Variants in CCSER1 observed in about 807,000 individuals in gnomAD.
CCSER1 encodes coiled-coil serine rich protein 1.
CCSER1 carries 41 observed loss-of-function variants against 82.0 expected under a neutral mutation model. The ratio of observed to expected loss-of-function variants is 0.50; its 90% CI spans 0.39 to 0.65. The LOEUF is 0.65. Ranked by LOEUF, CCSER1 falls within the 30% of genes least tolerant of loss-of-function variation. The pLI is 0.00. For missense variants in CCSER1, 1,119 were observed against 1,064.2 expected (o/e 1.05, Z -0.72); for synonymous variants, 414 against 383.9 (o/e 1.08, Z -0.92).
In CCSER1 at chr4:90,986,341, C is replaced by T. The variant is rs547375779; in HGVS notation, c.2172+62894C>T. ...GATGTTTTTAATACACACTAATATT[C>T]GTGAATATTTCTATTTGAGTAGAAG... On this transcript the variant is annotated intron_variant, in intron 9 of 10. Transcript: ENST00000509176. Among the ~76,000 whole-genome samples the T allele has an allele frequency of 2.3e-4, 35 of 151,736 alleles. No homozygotes were observed. In the East Asian group the frequency reaches 6.8e-3, roughly 30 times the overall value.
At chr4:91,219,052 T>C (rs1737522600) in intron 10 of CCSER1, among the ~76,000 whole-genome samples, 1 of 152,186 alleles carries the variant, frequency 6.6e-6, no homozygotes, top group Non-Finnish European at 1.5e-5. Flanking sequence ...TCCCCACACA[T>C]AGATTCAGGC....
intron 10 of CCSER1, among the ~76,000 whole-genome samples, chr4:91,231,820 A>T (rs1190593017): frequency 6.6e-6 from 1 of 151,812 alleles, no homozygotes; most frequent in Non-Finnish European, 1.5e-5. Flanking sequence ...AGAAGGCAGG[A>T]CTTCTAGTTC....
At chr4:90,312,538 C>T (rs746194041) in intron 2 of CCSER1, among the ~76,000 whole-genome samples, 1 of 151,932 alleles carries the variant, frequency 6.6e-6, no homozygotes, top group Non-Finnish European at 1.5e-5. Context: ...ATTGCAGTAA[C>T]CAAGCCAGCA....
intron 5 of CCSER1, among the ~76,000 whole-genome samples, chr4:90,472,837 G>A (rs1313800735): frequency 1.3e-5 from 2 of 152,070 alleles, no homozygotes; most frequent in Admixed American, 6.6e-5. Context: ...TCAACAGATG[G>A]TTGGATAAAG....
chr4:90,570,385 A>G (rs528141614), intron 5 of CCSER1, among the ~76,000 whole-genome samples: 28 of 152,072 alleles, frequency 1.8e-4, no homozygotes, highest in African/African-American at 6.8e-4. Flanking sequence ...CTGGGCTGAA[A>G]ACCCTGGGCT....
chr4:91,218,367 C>G (rs1560523847), intron 10 of CCSER1, among the ~76,000 whole-genome samples: 1 of 152,174 alleles, frequency 6.6e-6, no homozygotes, highest in Non-Finnish European at 1.5e-5. Context: ...CACCTCCCTG[C>G]AAGCTGAGGG....
rs199569728 is a variant in CCSER1, at chr4:90,532,974, C to CT, written c.1724+64621dup. On this transcript the variant is annotated intron_variant, in intron 5 of 10. Coordinates refer to ENST00000509176, the MANE Select transcript of CCSER1 (RefSeq NM_001145065.2). Reference sequence around the variant, plus strand: ...TGTGGGACTTTGGCTAAAAAGAGAGCTAGGTTTTTTAGTTTTGAGATTTTA... The same window carrying CT: ...TGTGGGACTTTGGCTAAAAAGAGAGCTTAGGTTTTTTAGTTTTGAGATTTTA... 7.6e-3 allele frequency among the ~76,000 whole-genome samples: 1,153 copies of CT among 151,548 alleles called. 6 individuals carry two copies. Among genetic ancestry groups the CT allele is most frequent in the African/African-American group, 0.019 (783 of 41,280 alleles).
At chr4:90,242,657 A>AT (rs546614581) in intron 1 of CCSER1, among the ~76,000 whole-genome samples, 46 of 152,130 alleles carry the variant, frequency 3.0e-4, no homozygotes, top group Non-Finnish European at 5.7e-4. Flanking sequence ...TACAAAAATG[A>AT]TTTTTCCCCT....
chr4:91,433,450 C>A (rs1754450217), intron 10 of CCSER1, among the ~76,000 whole-genome samples: 1 of 152,292 alleles, frequency 6.6e-6, no homozygotes, highest in South Asian at 2.1e-4. Context: ...CTGACTCGCC[C>A]AAGGCAGCTT....
intron 6 of CCSER1, among the ~76,000 whole-genome samples, chr4:90,650,996 G>A (rs2149043309): frequency 6.6e-6 from 1 of 152,242 alleles, no homozygotes; most frequent in South Asian, 2.1e-4. Flanking sequence ...AAGTGCCTTT[G>A]GGGAAGTTAT....
intron 10 of CCSER1, among the ~76,000 whole-genome samples, chr4:91,334,088 GTT>G (rs1578211221): frequency 1.3e-5 from 2 of 152,178 alleles, no homozygotes; most frequent in East Asian, 3.9e-4. Context: ...AAAATTCAGT[GTT>G]ATTTCAAAAC....
chr4:91,259,580 C>A (rs1339574263), intron 10 of CCSER1, among the ~76,000 whole-genome samples: 1 of 151,932 alleles, frequency 6.6e-6, no homozygotes. Context: ...TCCTAATGCT[C>A]TCCCTCCCCT....
chr4:90,666,557 A>G (rs1731819464), intron 6 of CCSER1, among the ~76,000 whole-genome samples: 1 of 152,214 alleles, frequency 6.6e-6, no homozygotes. Flanking sequence ...TGAGTAGAGG[A>G]TGATACCAGC....
chr4:90,713,338 G>C (rs897873671), intron 6 of CCSER1, among the ~76,000 whole-genome samples: 1 of 151,964 alleles, frequency 6.6e-6, no homozygotes, highest in Admixed American at 6.6e-5. Flanking sequence ...GGCAGGCCTG[G>C]TAGTGATGAA....
At position 90,934,661 on chromosome 4, in the gene CCSER1, G is replaced by T. The variant is rs145297002; in HGVS notation, c.2172+11214G>T. ...ATTGGGGGACTATCTGCTGGGCATG[G>T]TGGCTCATGCCTGTAATCCCAGCAC... On this transcript the variant is annotated intron_variant, in intron 9 of 10. Coordinates refer to ENST00000509176, the MANE Select transcript of CCSER1 (RefSeq NM_001145065.2). Among the ~76,000 whole-genome samples the T allele has an allele frequency of 2.0e-5, 3 of 152,312 alleles. No individual in the cohort carries two copies. The East Asian group carries it at 5.8e-4, about 29-fold the overall frequency.
chr4:91,459,705 A>G (rs1016635352), intron 10 of CCSER1, among the ~76,000 whole-genome samples: 3 of 152,152 alleles, frequency 2.0e-5, no homozygotes, highest in East Asian at 3.8e-4. Context: ...TTCTAATTTC[A>G]CTATACCAGA....
At chr4:90,562,939 T>C (rs1778954817) in intron 5 of CCSER1, among the ~76,000 whole-genome samples, 1 of 151,842 alleles carries the variant, frequency 6.6e-6, no homozygotes, top group Non-Finnish European at 1.5e-5. Flanking sequence ...AAAGATAATT[T>C]CTTATAATAT....
intron 8 of CCSER1, among the ~76,000 whole-genome samples, chr4:90,891,565 T>C (rs1046317815): frequency 1.3e-5 from 2 of 152,002 alleles, no homozygotes; most frequent in Non-Finnish European, 2.9e-5. Context: ...CTGAATGATA[T>C]AAATTTACCT....
intron 1 of CCSER1, among the ~76,000 whole-genome samples, chr4:90,151,539 A>G (rs973851205): frequency 6.6e-6 from 1 of 152,076 alleles, no homozygotes; most frequent in Non-Finnish European, 1.5e-5. Flanking sequence ...AATATTTAAT[A>G]TACACCCTTT....
Sources: gnomAD v4.1 joint callset for allele counts (sites outside exome capture counted in the v4.1 genomes callset) on GRCh38, gnomAD v4.1.1 for gene constraint, MANE v1.5 for transcripts, NCBI Gene and HGNC (gene_info 2026-07-23, HGNC 2026-07-21) for gene names.